CFAP53: variants seen among roughly 807,000 people sequenced by gnomAD.
CFAP53 encodes cilia and flagella associated protein 53.
A neutral mutation model predicts 59.7 loss-of-function variants in CFAP53; 62 were observed. The ratio of observed to expected loss-of-function variants is 1.04; its 90% CI spans 0.85 to 1.28. The LOEUF (loss-of-function observed/expected upper bound fraction) is 1.28. Among genes scored for constraint, CFAP53 ranks in the 50% most tolerant of loss-of-function variants. CFAP53 has a pLI of 0.00. For missense variants in CFAP53, 629 were observed against 615.6 expected (o/e 1.02, Z -0.23); for synonymous variants, 218 against 205.7 (o/e 1.06, Z -0.51).
At chr18:50,253,156 A>G (rs1412640735) in intron 3 of CFAP53, among the ~76,000 whole-genome samples, 1 of 151,986 alleles carries the variant, frequency 6.6e-6, no homozygotes, top group African/African-American at 2.4e-5. Context: ...AGCTGGGACC[A>G]CAGGCGCCCA....
intron 5 of CFAP53, among the ~76,000 whole-genome samples, chr18:50,247,960 TA>T (rs1025228867): frequency 2.6e-5 from 4 of 151,906 alleles, no homozygotes; most frequent in African/African-American, 7.3e-5. Context: ...TTGAAGCTGT[TA>T]AAAAAATGAT....
In CFAP53 at chr18:50,266,368, C is replaced by T; in HGVS notation, c.37G>A (p.Val13Ile). 1 of 1,614,266 alleles carries T rather than the reference C, an allele frequency of 6.2e-7. No homozygotes were observed. The highest frequency in any genetic ancestry group is 2.2e-5 in the East Asian group (1 of 44,884). The change falls in exon 1 of 8, where the codon GTT (valine) becomes ATT (isoleucine). Residue 13 changes from valine (V) to isoleucine (I), a missense_variant. Coordinates refer to ENST00000398545, the MANE Select transcript of CFAP53 (RefSeq NM_145020.5). ...SQRFGTVQRE[V>I]KGPTPKVVIV... ...ACCACTTTGGGGGTGGGGCCCTTAA[C>T]CTCCCGCTGTACGGTGCCAAACCGC...
intron 3 of CFAP53, among the ~76,000 whole-genome samples, chr18:50,252,017 G>A (rs1194960678): frequency 6.6e-6 from 1 of 152,118 alleles, no homozygotes; most frequent in Non-Finnish European, 1.5e-5. Flanking sequence ...TTTCCTGTGT[G>A]ATCTCAGATC....
At chr18:50,264,258 C>G (rs569237638) in intron 1 of CFAP53, among the ~76,000 whole-genome samples, 4 of 152,288 alleles carry the variant, frequency 2.6e-5, no homozygotes, top group East Asian at 1.9e-4. Context: ...ATTTTACTAA[C>G]TACTGTGGGT....
intron 1 of CFAP53, among the ~76,000 whole-genome samples, chr18:50,265,771 T>TA (rs1488503441): frequency 5.3e-5 from 8 of 152,340 alleles, no homozygotes; most frequent in African/African-American, 1.9e-4. Context: ...ACTCCAGCCT[T>TA]AGAGGCAGGC....
At chr18:50,229,317 A>G (rs1362540303) in intron 7 of CFAP53, among the ~76,000 whole-genome samples, 1 of 152,188 alleles carries the variant, frequency 6.6e-6, no homozygotes, top group Non-Finnish European at 1.5e-5. Flanking sequence ...ATGTCTCATA[A>G]AAGTAGAATC....
intron 7 of CFAP53, among the ~76,000 whole-genome samples, chr18:50,229,971 C>T (rs978192678): frequency 2.0e-5 from 3 of 151,894 alleles, no homozygotes; most frequent in Admixed American, 6.6e-5. Context: ...TTGCACAGGC[C>T]GGTCTCAAAC....
At position 50,250,575 on chromosome 18, in the gene CFAP53, G is replaced by C. The variant is rs370326587; in HGVS notation, c.996+183C>G. On this transcript the variant is annotated intron_variant, in intron 5 of 7. Transcript: ENST00000398545. ...GCCCCTGTCATGATTTTGATTGGGA[G>C]ATCCTGATTCTGGAGCCTGGGAATT... Among the ~76,000 whole-genome samples the C allele has an allele frequency of 6.6e-5, 10 of 152,192 alleles. No individual in the cohort carries two copies. The South Asian group carries it at 1.9e-3, about 28-fold the overall frequency.
intron 5 of CFAP53, among the ~76,000 whole-genome samples, chr18:50,247,042 T>TAA (rs760218280): frequency 7.2e-6 from 1 of 137,976 alleles, no homozygotes; most frequent in Non-Finnish European, 1.6e-5. Flanking sequence ...GAGTGAGATT[T>TAA]AAAAAAAAAA....
chr18:50,254,664 G>A (rs757180691), intron 3 of CFAP53, among the ~76,000 whole-genome samples: 1 of 152,188 alleles, frequency 6.6e-6, no homozygotes, highest in East Asian at 1.9e-4. Context: ...CAAGGTGGAC[G>A]GATCACCTAA....
intron 6 of CFAP53, among the ~76,000 whole-genome samples, chr18:50,241,516 A>C (rs901077084): frequency 6.6e-6 from 1 of 152,208 alleles, no homozygotes; most frequent in Non-Finnish European, 1.5e-5. Context: ...ACCAGCCCCC[A>C]ATATTTCAAC....
intron 3 of CFAP53, among the ~76,000 whole-genome samples, chr18:50,258,312 G>T (rs114503393): frequency 2.0e-3 from 304 of 152,204 alleles, no homozygotes; most frequent in African/African-American, 7.0e-3. Flanking sequence ...CACTTACAGT[G>T]AACTCGTTTT....
At chr18:50,243,140 T>A (rs1315599953) in intron 5 of CFAP53, 24 bp from the exon 6 acceptor site, 2 of 1,575,750 alleles carry the variant, frequency 1.3e-6, no homozygotes, top group South Asian at 2.3e-5. Context: ...AAATTCATAT[T>A]GTTAAAATTT....
intron 5 of CFAP53, among the ~76,000 whole-genome samples, chr18:50,246,032 G>A (rs961926507): frequency 1.3e-5 from 2 of 152,164 alleles, no homozygotes; most frequent in Admixed American, 6.5e-5. Context: ...TGGGATTACA[G>A]GCATGGGCCA....
intron 6 of CFAP53, among the ~76,000 whole-genome samples, chr18:50,240,472 A>G (rs1790421): frequency 0.068 from 10,302 of 152,276 alleles, 436 homozygotes; most frequent in Middle Eastern, 0.099. Context: ...CCTAGCCAAT[A>G]GCGGAATGAC....
intron 3 of CFAP53, among the ~76,000 whole-genome samples, chr18:50,254,071 T>A (rs983882480): frequency 6.6e-6 from 1 of 151,528 alleles, no homozygotes; most frequent in African/African-American, 2.4e-5. Flanking sequence ...CTGTAAAAGA[T>A]CCTTTTAATA....
In CFAP53 at chr18:50,241,481, T is replaced by C. The variant is rs550802675; in HGVS notation, c.1213+1419A>G. Among the ~76,000 whole-genome samples, 11 of 152,262 alleles carry C rather than the reference T, an allele frequency of 7.2e-5. No homozygotes were observed. In the East Asian group the frequency reaches 1.5e-3, roughly 21 times the overall value. On this transcript the variant is annotated intron_variant, in intron 6 of 7. Coordinates refer to ENST00000398545, the MANE Select transcript of CFAP53 (RefSeq NM_145020.5). ...AGCATCATAGGCAGAGACAACGACA[T>C]AAACAAAGGTATAGCATTGGGGGAA...
At position 50,262,219 on chromosome 18, in the gene CFAP53, T is replaced by C; in HGVS notation, c.70A>G (p.Arg24Gly). The C allele has an allele frequency of 6.2e-7, 1 of 1,610,446 alleles. No homozygotes were observed. Among genetic ancestry groups the C allele is most frequent in the Non-Finnish European group, 8.5e-7 (1 of 1,177,092 alleles). The change falls in exon 2 of 8, where the codon AGA becomes GGA. Residue 24 changes from arginine to glycine, a missense_variant and splice_region_variant. Physicochemically the swap from Arg to Gly is moderately radical, Grantham distance 125 (BLOSUM62 -2). Coordinates refer to ENST00000398545, the MANE Select transcript of CFAP53 (RefSeq NM_145020.5). The stretch of plus-strand genomic sequence containing the variant: ...CCTTGGCCTTTAGGAGGCTTGGATC[T>C]CTGAAAACAAAAACCAACTATCACT... ...KGPTPKVVIV[R>G]SKPPKGQGAE...
At chr18:50,227,634 A>G (rs1568148643) in intron 7 of CFAP53, 25 bp from the exon 8 acceptor site, 34 of 1,500,834 alleles carry the variant, frequency 2.3e-5, no homozygotes, top group Non-Finnish European at 3.2e-5. Flanking sequence ...ATGTCAAAGC[A>G]TAAAATTATA....
Sources: allele counts gnomAD v4.1 joint callset (sites outside exome capture counted in the v4.1 genomes callset), GRCh38; gene constraint gnomAD v4.1.1; transcripts MANE v1.5; gene names NCBI Gene and HGNC (gene_info 2026-07-23, HGNC 2026-07-21).